The following KCNH8 variants were observed in gnomAD, a reference collection of about 807,000 sequenced individuals.
KCNH8 encodes voltage-gated delayed rectifier potassium channel KCNH8.
In KCNH8, 70 loss-of-function variants were observed where a neutral mutation model predicts 103.6. The ratio of observed to expected loss-of-function variants is 0.68; its 90% CI spans 0.56 to 0.82. KCNH8 has a LOEUF of 0.82. KCNH8 is among the 40% of genes least tolerant of loss of function. KCNH8 has a pLI of 0.00. For missense variants in KCNH8, 1,217 were observed against 1,329.9 expected, an observed-to-expected ratio of 0.92 and a Z score of 1.32; for synonymous variants, 498 against 489.4, an observed-to-expected ratio of 1.02 and a Z score of -0.23.
intron 1 of KCNH8, among the ~76,000 whole-genome samples, chr3:19,183,079 T>C (rs1287762559): frequency 6.6e-6 from 1 of 152,236 alleles, no homozygotes; most frequent in Non-Finnish European, 1.5e-5. Flanking sequence ...GTACAGTTAA[T>C]ATATTTAGTG....
At chr3:19,170,729 C>T (rs571065889) in intron 1 of KCNH8, among the ~76,000 whole-genome samples, 1 of 108,344 alleles carries the variant, frequency 9.2e-6, no homozygotes, top group Non-Finnish European at 2.0e-5. Flanking sequence ...CACATATATA[C>T]ACACACATAT....
At chr3:19,180,933 G>T (rs986615086) in intron 1 of KCNH8, among the ~76,000 whole-genome samples, 7 of 152,038 alleles carry the variant, frequency 4.6e-5, no homozygotes, top group Non-Finnish European at 1.0e-4. Context: ...AAATAAAATA[G>T]AAATTAAATT....
intron 1 of KCNH8, among the ~76,000 whole-genome samples, chr3:19,155,936 T>A (rs1030262334): frequency 6.6e-6 from 1 of 152,204 alleles, no homozygotes; most frequent in Non-Finnish European, 1.5e-5. Context: ...GTTGAAATGG[T>A]CTTTGCTCAG....
intron 13 of KCNH8, 91 bp from the exon 14 acceptor site, chr3:19,515,231 G>C (rs911997486): frequency 7.8e-5 from 52 of 670,814 alleles, no homozygotes; most frequent in Non-Finnish European, 1.2e-4. Context: ...CTAGAATTTA[G>C]AAATTTAACA....
intron 5 of KCNH8, among the ~76,000 whole-genome samples, chr3:19,375,305 G>GT (rs1323719320): frequency 3.4e-5 from 5 of 147,578 alleles, no homozygotes; most frequent in African/African-American, 1.0e-4. Flanking sequence ...TTGCTCATTT[G>GT]TTTTTATTCT....
At chr3:19,353,486 A>G (rs1467918821) in intron 5 of KCNH8, among the ~76,000 whole-genome samples, 2 of 152,208 alleles carry the variant, frequency 1.3e-5, no homozygotes, top group Non-Finnish European at 2.9e-5. Context: ...AATCCTCAAT[A>G]AAGTACTGGC....
At chr3:19,448,308 C>T (rs2067392175) in intron 8 of KCNH8, among the ~76,000 whole-genome samples, 1 of 151,926 alleles carries the variant, frequency 6.6e-6, no homozygotes. Flanking sequence ...AATCAGTATT[C>T]AAATCCAGAT....
intron 1 of KCNH8, among the ~76,000 whole-genome samples, chr3:19,233,404 T>A (rs186490502): frequency 1.3e-5 from 2 of 152,306 alleles, no homozygotes; most frequent in East Asian, 3.9e-4. Flanking sequence ...CTAGAACTTA[T>A]GCTTCTGTGC....
intron 6 of KCNH8, among the ~76,000 whole-genome samples, chr3:19,394,151 G>A (rs1327740471): frequency 6.6e-6 from 1 of 151,982 alleles, no homozygotes; most frequent in East Asian, 1.9e-4. Flanking sequence ...CTCTACTTGT[G>A]CTTTCCCCAA....
At chr3:19,170,698 A>G (rs2063336002) in intron 1 of KCNH8, among the ~76,000 whole-genome samples, 1 of 146,546 alleles carries the variant, frequency 6.8e-6, no homozygotes, top group African/African-American at 2.5e-5. Context: ...ATACACACAT[A>G]TATATACACA....
At chr3:19,289,893 C>G (rs1357928449) in intron 3 of KCNH8, among the ~76,000 whole-genome samples, 3 of 152,112 alleles carry the variant, frequency 2.0e-5, no homozygotes, top group African/African-American at 7.2e-5. Flanking sequence ...GAATATTCTT[C>G]CATTTGTTTG....
intron 11 of KCNH8, among the ~76,000 whole-genome samples, chr3:19,504,680 A>G (rs938225810): frequency 2.6e-5 from 4 of 152,198 alleles, no homozygotes; most frequent in Non-Finnish European, 5.9e-5. Flanking sequence ...AGAAAATAAC[A>G]GATGCTGGAA....
chr3:19,493,666 T>C (rs1239373669), intron 11 of KCNH8, among the ~76,000 whole-genome samples: 5 of 152,150 alleles, frequency 3.3e-5, no homozygotes, highest in Admixed American at 6.5e-5. Flanking sequence ...CTTTCTCTTG[T>C]TCCAGTTTTC....
At chr3:19,496,541 G>C (rs987307518) in intron 11 of KCNH8, among the ~76,000 whole-genome samples, 12 of 152,106 alleles carry the variant, frequency 7.9e-5, no homozygotes, top group Admixed American at 3.3e-4. Flanking sequence ...CAGGGATAAA[G>C]CCTACTTGAT....
At chr3:19,222,829 G>T (rs943754473) in intron 1 of KCNH8, among the ~76,000 whole-genome samples, 3 of 152,084 alleles carry the variant, frequency 2.0e-5, no homozygotes, top group African/African-American at 4.8e-5. Flanking sequence ...ATGAAAGAAA[G>T]CCTCTACATT....
intron 11 of KCNH8, among the ~76,000 whole-genome samples, chr3:19,471,615 A>G (rs1429328288): frequency 6.6e-6 from 1 of 152,210 alleles, no homozygotes; most frequent in Non-Finnish European, 1.5e-5. Flanking sequence ...ACAACTTTAG[A>G]AATAAGTTGT....
At chr3:19,323,823 A>T (rs774330516) in intron 3 of KCNH8, among the ~76,000 whole-genome samples, 5 of 152,118 alleles carry the variant, frequency 3.3e-5, no homozygotes, top group Admixed American at 6.6e-5. Context: ...TTGTTACTGG[A>T]GAGTGTCTGC....
At chr3:19,378,196 A>G (rs888936404) in intron 5 of KCNH8, among the ~76,000 whole-genome samples, 6 of 152,160 alleles carry the variant, frequency 3.9e-5, no homozygotes, top group African/African-American at 1.4e-4. Context: ...AATGTGCACA[A>G]TTTTATGGGC....
intron 15 of KCNH8, 123 bp downstream of exon 15, chr3:19,518,197 G>C (rs2068908505): frequency 1.5e-6 from 1 of 680,318 alleles, no homozygotes; most frequent in African/African-American, 1.8e-5. Flanking sequence ...CACCATGGGT[G>C]AATCTCTGCT....
Sources: gnomAD v4.1 joint callset for allele counts (sites outside exome capture counted in the v4.1 genomes callset) on GRCh38, gnomAD v4.1.1 for gene constraint, MANE v1.5 for transcripts, NCBI Gene and HGNC (gene_info 2026-07-23, HGNC 2026-07-21) for gene names.